The following FHIT variants were observed in gnomAD, a reference collection of about 807,000 sequenced individuals.
The protein encoded by FHIT is fragile histidine triad diadenosine triphosphatase.
Under a neutral mutation model 17.9 loss-of-function variants are expected in FHIT, and 19 were observed. The ratio of observed to expected loss-of-function variants is 1.06; its 90% CI spans 0.74 to 1.56. The LOEUF is 1.56. Ranked by LOEUF, FHIT falls within the 40% of genes most tolerant of loss-of-function variation. The pLI is 0.00. For missense variants in FHIT, 248 were observed against 189.2 expected, an observed-to-expected ratio of 1.31 and a Z score of -1.82; for synonymous variants, 81 against 69.7, an observed-to-expected ratio of 1.16 and a Z score of -0.81.
chr3:60,302,713 C>T (rs1446925954), intron 5 of FHIT, among the ~76,000 whole-genome samples: 1 of 152,154 alleles, frequency 6.6e-6, no homozygotes, highest in South Asian at 2.1e-4. Flanking sequence ...AACACATATA[C>T]CTGATTTGAG....
chr3:61,198,332 G>C (rs1298208289), intron 2 of FHIT, among the ~76,000 whole-genome samples: 1 of 152,080 alleles, frequency 6.6e-6, no homozygotes, highest in East Asian at 1.9e-4. Context: ...CCTAGGACAA[G>C]GGAGAATCCT....
intron 3 of FHIT, among the ~76,000 whole-genome samples, chr3:60,956,589 C>A (rs923150748): frequency 1.3e-5 from 2 of 152,198 alleles, no homozygotes; most frequent in East Asian, 3.9e-4. Flanking sequence ...GAAAAAGAAT[C>A]TAATTAACCC....
intron 2 of FHIT, among the ~76,000 whole-genome samples, chr3:61,043,027 G>T (rs541189001): frequency 6.6e-6 from 1 of 152,122 alleles, no homozygotes; most frequent in East Asian, 1.9e-4. Flanking sequence ...CCTGTCTACA[G>T]CTCCCAGCTT....
rs144969391 is a variant in FHIT at position 60,606,622 on chromosome 3, A to T, written c.-17-69643T>A. On this transcript the variant is annotated intron_variant, in intron 4 of 9. Transcript: ENST00000492590. ...AGGATAGTGAATTGGGTGCCTTTTCATTCCACTCCAGAATTTGAGGTCCTG... is the reference window on the plus strand; with the variant it reads ...AGGATAGTGAATTGGGTGCCTTTTCTTTCCACTCCAGAATTTGAGGTCCTG... 1.7e-3 allele frequency among the ~76,000 whole-genome samples: 263 copies of T among 152,148 alleles called. 1 individual carries two copies. The highest frequency in any genetic ancestry group is 4.8e-3 in the African/African-American group (200 of 41,510).
intron 2 of FHIT, among the ~76,000 whole-genome samples, chr3:61,124,330 T>C (rs1415514672): frequency 6.6e-6 from 1 of 152,194 alleles, no homozygotes; most frequent in Non-Finnish European, 1.5e-5. Context: ...AGGCTTTCTT[T>C]GAATGCCCGA....
chr3:59,963,245 T>A (rs1707768225), intron 7 of FHIT, among the ~76,000 whole-genome samples: 1 of 151,894 alleles, frequency 6.6e-6, no homozygotes, highest in Admixed American at 6.6e-5. Flanking sequence ...CCAGCCTGGG[T>A]GACAGAGCGA....
chr3:60,940,010 A>G (rs1324552125), intron 3 of FHIT, among the ~76,000 whole-genome samples: 3 of 152,136 alleles, frequency 2.0e-5, no homozygotes, highest in African/African-American at 7.2e-5. Flanking sequence ...GAATTATTAT[A>G]AAGGCTTCAT....
chr3:60,364,585 G>A lies in FHIT; in HGVS notation c.103+172275C>T, dbSNP rs544875218. The stretch of plus-strand genomic sequence containing the variant: ...TCTACCCAGGAAATTAATGTCACAG[G>A]CATTCCATTGAGCAACACAGAAGGC... On this transcript the variant is annotated intron_variant, in intron 5 of 9. Coordinates refer to ENST00000492590, the MANE Select transcript of FHIT (RefSeq NM_002012.4). Among the ~76,000 whole-genome samples the A allele has an allele frequency of 1.4e-4, 22 of 152,272 alleles. No individual in the cohort carries two copies. In the East Asian group the frequency reaches 3.9e-3, roughly 27 times the overall value.
intron 4 of FHIT, among the ~76,000 whole-genome samples, chr3:60,668,185 C>T (rs192392071): frequency 1.3e-5 from 2 of 151,578 alleles, no homozygotes; most frequent in African/African-American, 4.8e-5. Context: ...TGCTATAGTT[C>T]ATTCTTTTTT....
intron 2 of FHIT, among the ~76,000 whole-genome samples, chr3:61,103,880 T>G (rs2035911211): frequency 6.6e-6 from 1 of 151,762 alleles, no homozygotes; most frequent in South Asian, 2.1e-4. Flanking sequence ...TTTCAACCCC[T>G]GCTTTTTTTT....
At chr3:60,299,368 C>T (rs1489537594) in intron 5 of FHIT, among the ~76,000 whole-genome samples, 2 of 152,082 alleles carry the variant, frequency 1.3e-5, no homozygotes, top group Non-Finnish European at 2.9e-5. Context: ...GTTTTTCCTA[C>T]TATTTTCATT....
At chr3:60,157,774 C>T (rs1235332886) in intron 5 of FHIT, among the ~76,000 whole-genome samples, 1 of 152,146 alleles carries the variant, frequency 6.6e-6, no homozygotes, top group Non-Finnish European at 1.5e-5. Context: ...TGTTTGCAGC[C>T]ACAGGAACTG....
chr3:59,759,795 C>G (rs575601799), intron 8 of FHIT, among the ~76,000 whole-genome samples: 3 of 152,234 alleles, frequency 2.0e-5, no homozygotes, highest in Non-Finnish European at 2.9e-5. Flanking sequence ...CCACGCTGGA[C>G]TTTCTTGGTG....
intron 7 of FHIT, among the ~76,000 whole-genome samples, chr3:59,982,748 A>T (rs1472317133): frequency 6.6e-6 from 1 of 152,106 alleles, no homozygotes; most frequent in Non-Finnish European, 1.5e-5. Flanking sequence ...TTTATTAGGT[A>T]CCAATAGATA....
At chr3:60,545,917 C>G (rs2036344968) in intron 4 of FHIT, among the ~76,000 whole-genome samples, 1 of 152,144 alleles carries the variant, frequency 6.6e-6, no homozygotes, top group Non-Finnish European at 1.5e-5. Context: ...AAATTTCTAA[C>G]TATATTTGCT....
intron 2 of FHIT, among the ~76,000 whole-genome samples, chr3:61,199,143 C>T (rs1441242909): frequency 6.6e-6 from 1 of 152,178 alleles, no homozygotes; most frequent in Non-Finnish European, 1.5e-5. Context: ...AAAGCCAAAT[C>T]ATGACTAAAC....
intron 4 of FHIT, among the ~76,000 whole-genome samples, chr3:60,655,299 C>T (rs9311771): frequency 0.035 from 5,365 of 152,128 alleles, 326 homozygotes; most frequent in African/African-American, 0.12. Context: ...TTTTTAACTA[C>T]GTGCTTATTT....
chr3:60,861,591 C>T (rs956254075), intron 3 of FHIT, among the ~76,000 whole-genome samples: 16 of 151,988 alleles, frequency 1.1e-4, no homozygotes, highest in African/African-American at 3.4e-4. Flanking sequence ...TCATTGCTAT[C>T]ATCATCATCA....
chr3:60,461,789 T>C (rs1433040853), intron 5 of FHIT, among the ~76,000 whole-genome samples: 1 of 152,150 alleles, frequency 6.6e-6, no homozygotes, highest in East Asian at 1.9e-4. Context: ...AGGATAAGGA[T>C]GGGGGATCCC....
Sources: gnomAD v4.1 joint callset for allele counts (sites outside exome capture counted in the v4.1 genomes callset) on GRCh38, gnomAD v4.1.1 for gene constraint, MANE v1.5 for transcripts, NCBI Gene and HGNC (gene_info 2026-07-23, HGNC 2026-07-21) for gene names.